The following LRPPRC variants were observed in gnomAD, a reference collection of about 807,000 sequenced individuals.
LRPPRC encodes leucine rich pentatricopeptide repeat containing.
LRPPRC carries 120 observed loss-of-function variants against 180.3 expected under a neutral mutation model. The observed-to-expected ratio is 0.67, with a 90% confidence interval of 0.57 to 0.77. The LOEUF is 0.77. Ranked by LOEUF, LRPPRC falls within the 30% of genes least tolerant of loss-of-function variation. LRPPRC has a pLI of 0.00. For missense variants in LRPPRC, 2,012 were observed against 1,657.2 expected, an observed-to-expected ratio of 1.21 and a Z score of -3.72; for synonymous variants, 723 against 600.0, an observed-to-expected ratio of 1.21 and a Z score of -3.00.
Position 43,960,646 on chromosome 2 carries a change from G to C in LRPPRC, c.1489-12C>G. On this transcript the variant is annotated splice_polypyrimidine_tract_variant and intron_variant, in intron 12 of 37. Transcript: ENST00000260665. ...AGACATCCATTTTCCTGGAGATAAA[G>C]CATATATCAATGAGAATACATCTCA... 7.6e-7 allele frequency: 1 copy of C among 1,321,398 alleles called. No individual in the cohort carries two copies. The highest frequency in any genetic ancestry group is 1.1e-6 in the Non-Finnish European group (1 of 916,044). 81.9% of individuals were successfully genotyped at this position (1,321,398 alleles called of 1,614,324 possible).
In LRPPRC at chr2:43,934,756, T is replaced by G. The variant is rs1444941276; in HGVS notation, c.2627A>C (p.Lys876Thr). 6.2e-7 allele frequency: 1 copy of G among 1,612,960 alleles called. No homozygotes were observed. Among genetic ancestry groups the G allele is most frequent in the South Asian group, 1.1e-5 (1 of 91,036 alleles). ...VEKGETDLIQ[K>T]AMDFVSQEQG... ...TAAGATACTAGAAAGTGACTCACCT[T>G]TCTGAATTAGATCAGTCTCGCCTTT... Residue 876 changes from lysine to threonine, a missense_variant and splice_region_variant, in exon 24 of 38, where the codon AAA becomes ACA. Transcript: ENST00000260665.
At chr2:43,917,640 T>A (rs568769970) in intron 29 of LRPPRC, among the ~76,000 whole-genome samples, 1 of 152,008 alleles carries the variant, frequency 6.6e-6, no homozygotes, top group Non-Finnish European at 1.5e-5. Flanking sequence ...ATATAAAAAA[T>A]TAGCCAGGCG....
chr2:43,893,670 G>T (rs1384234934), intron 36 of LRPPRC, among the ~76,000 whole-genome samples: 1 of 152,100 alleles, frequency 6.6e-6, no homozygotes, highest in Non-Finnish European at 1.5e-5. Context: ...ATGTAACTTT[G>T]TTCATTATAT....
At chr2:43,956,116 C>A (rs953292161) in intron 14 of LRPPRC, among the ~76,000 whole-genome samples, 1 of 150,516 alleles carries the variant, frequency 6.6e-6, no homozygotes, top group African/African-American at 2.4e-5. Flanking sequence ...AAGAGACATT[C>A]CAGCCTGGGC....
chr2:43,910,407 A>G (rs1030261769), intron 30 of LRPPRC, among the ~76,000 whole-genome samples: 4 of 151,660 alleles, frequency 2.6e-5, no homozygotes, highest in Non-Finnish European at 5.9e-5. Flanking sequence ...GCTAATTTTT[A>G]TATTTTTAGT....
chr2:43,952,265 G>A (rs1672938381), intron 14 of LRPPRC, among the ~76,000 whole-genome samples: 1 of 151,684 alleles, frequency 6.6e-6, no homozygotes, highest in Non-Finnish European at 1.5e-5. Flanking sequence ...AGGAAGGCAT[G>A]GAGATAAACT....
At chr2:43,960,418 T>C (rs1673296421) in intron 13 of LRPPRC, 123 bp downstream of exon 13, 1 of 709,840 alleles carries the variant, frequency 1.4e-6, no homozygotes, top group Admixed American at 1.9e-5. Context: ...AACCGTTTTA[T>C]CAGTCTGGCT....
At chr2:43,928,949 T>C (rs1671986108) in intron 25 of LRPPRC, among the ~76,000 whole-genome samples, 1 of 152,144 alleles carries the variant, frequency 6.6e-6, no homozygotes, top group South Asian at 2.1e-4. Context: ...CAATAGCAAA[T>C]AGTCGATTAA....
intron 30 of LRPPRC, among the ~76,000 whole-genome samples, chr2:43,912,152 T>C (rs1671284894): frequency 6.6e-6 from 1 of 152,152 alleles, no homozygotes; most frequent in Admixed American, 6.5e-5. Flanking sequence ...GAACAGAATA[T>C]AATAAAATTA....
intron 36 of LRPPRC, 146 bp from the exon 37 acceptor site, chr2:43,890,022 G>A: frequency 1.5e-6 from 1 of 657,298 alleles, no homozygotes. Context: ...GCCACATTCA[G>A]AATCTACCAT....
intron 23 of LRPPRC, among the ~76,000 whole-genome samples, chr2:43,938,819 A>AT (rs1362475809): frequency 6.6e-6 from 1 of 152,200 alleles, no homozygotes; most frequent in Admixed American, 6.5e-5. Context: ...ACATTCCTCA[A>AT]TACATATACC....
chr2:43,898,388 T>A lies in LRPPRC; in HGVS notation c.3825+831A>T, dbSNP rs6751809. On this transcript the variant is annotated intron_variant, in intron 34 of 37. Coordinates refer to ENST00000260665, the MANE Select transcript of LRPPRC (RefSeq NM_133259.4). ...AAAAATGTAAGGGAATATAATACTA[T>A]TTACGATCAGAAATTGGTCCCACGC... Among the ~76,000 whole-genome samples the A allele has an allele frequency of 9.1e-3, 1,383 of 152,292 alleles. 20 individuals are homozygous for A. Among genetic ancestry groups the A allele is most frequent in the African/African-American group, 0.031 (1,305 of 41,548 alleles).
At chr2:43,952,185 T>C (rs1032821689) in intron 14 of LRPPRC, among the ~76,000 whole-genome samples, 13 of 151,750 alleles carry the variant, frequency 8.6e-5, no homozygotes, top group Admixed American at 7.9e-4. Flanking sequence ...AAGAGCGAAA[T>C]TCCGTCTCAA....
chr2:43,925,146 C>A lies in LRPPRC; in HGVS notation c.2817G>T (p.Leu939=), dbSNP rs149292150. ...TCTGTGTCAGCTCCACTAATTTTTC[C>A]AGAGTTTCAACCTTAAAAGTAAGAT... ...RCVANNQVET[L]EKLVELTQKL... Residue 939 remains leucine, a synonymous_variant, in exon 27 of 38, where the codon CTG becomes CTT. Coordinates refer to ENST00000260665, the MANE Select transcript of LRPPRC (RefSeq NM_133259.4). The A allele has an allele frequency of 6.3e-7, 1 of 1,579,870 alleles. No individual in the cohort carries two copies. The highest frequency in any genetic ancestry group is 1.3e-5 in the African/African-American group (1 of 74,336).
intron 35 of LRPPRC, 40 bp downstream of exon 35, chr2:43,896,594 G>A (rs1287033549): frequency 2.5e-6 from 3 of 1,223,106 alleles, no homozygotes; most frequent in South Asian, 1.2e-5. Context: ...AGCAAGGCAC[G>A]TACAGTATCA....
chr2:43,972,722 C>T lies in LRPPRC; in HGVS notation c.1369+885G>A, dbSNP rs185333222. Among the ~76,000 whole-genome samples, 292 of 152,244 alleles carry T rather than the reference C, an allele frequency of 1.9e-3. 4 individuals are homozygous for T. Among genetic ancestry groups the T allele is most frequent in the African/African-American group, 6.6e-3 (273 of 41,546 alleles). ...TCACTATTTCCTTTAAACCAGAAGA[C>T]GGCTGTACATTTAAAATAAAATTGC... On this transcript the variant is annotated intron_variant, in intron 11 of 37. Transcript: ENST00000260665.
In LRPPRC at chr2:43,918,269, A is replaced by C. The variant is rs1572916943; in HGVS notation, c.3026T>G (p.Phe1009Cys). Residue 1009 changes from phenylalanine (F) to cysteine (C), a missense_variant, in exon 28 of 38, where the codon TTT becomes TGT. Coordinates refer to ENST00000260665, the MANE Select transcript of LRPPRC (RefSeq NM_133259.4). ...ILREGNQEVP[F>C]DVPELWYEDE... is the part of the protein sequence containing the mutation. ...AAAAACAATTACCTCAGGTACGTCA[A>C]ACGGAACTTCCTGGTTACCCTCTCT... is the stretch of plus-strand genomic sequence containing the variant. The C allele has an allele frequency of 1.2e-6, 2 of 1,613,536 alleles. No homozygotes were observed. The highest frequency in any genetic ancestry group is 1.7e-6 in the Non-Finnish European group (2 of 1,179,454).
At chr2:43,987,913 C>A (rs1674598685) in intron 1 of LRPPRC, among the ~76,000 whole-genome samples, 1 of 151,882 alleles carries the variant, frequency 6.6e-6, no homozygotes, top group Non-Finnish European at 1.5e-5. Flanking sequence ...ATAAATTAGA[C>A]CTTTAAAAAT....
chr2:43,976,134 G>T lies in LRPPRC; in HGVS notation c.737+9C>A, dbSNP rs574601528. The T allele has an allele frequency of 1.7e-5, 26 of 1,571,042 alleles. No homozygotes were observed. Among genetic ancestry groups the T allele is most frequent in the Non-Finnish European group, 2.3e-5 (26 of 1,140,750 alleles). On this transcript the variant is annotated intron_variant, in intron 6 of 37. Transcript: ENST00000260665. ...CACTTAAGAACCAAAACCTTAGGTT[G>T]AACATTACCCAGCTCTGGCATGCCC...
Sources: gnomAD v4.1 joint callset for allele counts (sites outside exome capture counted in the v4.1 genomes callset) on GRCh38, gnomAD v4.1.1 for gene constraint, MANE v1.5 for transcripts, NCBI Gene and HGNC (gene_info 2026-07-23, HGNC 2026-07-21) for gene names.